Variants in ALCAM observed in about 807,000 individuals in gnomAD.
The protein encoded by ALCAM is CD166 antigen.
A neutral mutation model predicts 70.9 loss-of-function variants in ALCAM; 30 were observed. That is an observed-to-expected ratio of 0.42 (90% CI 0.32 to 0.57). The LOEUF (loss-of-function observed/expected upper bound fraction) is 0.57. Among genes scored for constraint, ALCAM ranks in the 20% least tolerant of loss-of-function variants. The pLI is 0.11. For missense variants in ALCAM, 591 were observed against 695.1 expected, an observed-to-expected ratio of 0.85 and a Z score of 1.68; for synonymous variants, 249 against 242.5, an observed-to-expected ratio of 1.03 and a Z score of -0.25.
intron 1 of ALCAM, among the ~76,000 whole-genome samples, chr3:105,387,898 C>T (rs1935697583): frequency 6.6e-6 from 1 of 151,556 alleles, no homozygotes; most frequent in Non-Finnish European, 1.5e-5. Flanking sequence ...CTTTATTCTA[C>T]TGCCAAATAA....
At chr3:105,535,310 A>G (rs74475847) in intron 6 of ALCAM, among the ~76,000 whole-genome samples, 1 of 152,308 alleles carries the variant, frequency 6.6e-6, no homozygotes, top group African/African-American at 2.4e-5. Flanking sequence ...TCTACAAAGG[A>G]ATCTTCATGG....
At chr3:105,567,108 G>A (rs1051338819) in intron 14 of ALCAM, among the ~76,000 whole-genome samples, 6 of 152,020 alleles carry the variant, frequency 3.9e-5, no homozygotes, top group African/African-American at 1.4e-4. Flanking sequence ...TTTCTGATGA[G>A]ACATCACCTG....
At chr3:105,425,315 G>A (rs561685663) in intron 1 of ALCAM, among the ~76,000 whole-genome samples, 6 of 151,830 alleles carry the variant, frequency 4.0e-5, no homozygotes, top group South Asian at 4.1e-4. Context: ...GTGCGCCTGT[G>A]TGTATGTTAT....
At chr3:105,466,402 T>A (rs148957319) in intron 1 of ALCAM, among the ~76,000 whole-genome samples, 74 of 151,620 alleles carry the variant, frequency 4.9e-4, no homozygotes, top group African/African-American at 1.7e-3. Context: ...GATCTTCACA[T>A]TTTTATTTAA....
At chr3:105,462,198 C>T (rs530081567) in intron 1 of ALCAM, among the ~76,000 whole-genome samples, 8 of 151,560 alleles carry the variant, frequency 5.3e-5, no homozygotes, top group African/African-American at 1.5e-4. Context: ...ACATTTCATT[C>T]AACAGCCATT....
At chr3:105,423,911 C>T (rs1414222747) in intron 1 of ALCAM, among the ~76,000 whole-genome samples, 1 of 151,556 alleles carries the variant, frequency 6.6e-6, no homozygotes, top group Admixed American at 6.6e-5. Context: ...AAATAAGCTA[C>T]CCTTATTTGA....
chr3:105,542,797 A>T (rs977846497), intron 8 of ALCAM, among the ~76,000 whole-genome samples: 2 of 151,704 alleles, frequency 1.3e-5, no homozygotes, highest in African/African-American at 4.8e-5. Flanking sequence ...TGATTGTCTG[A>T]TGTTGGGAGT....
At chr3:105,479,173 G>A (rs1280996577) in intron 1 of ALCAM, among the ~76,000 whole-genome samples, 2 of 152,044 alleles carry the variant, frequency 1.3e-5, no homozygotes, top group African/African-American at 2.4e-5. Flanking sequence ...TTTTCATTAT[G>A]TTTGGTAAAA....
chr3:105,553,068 A>ATAAG (rs1940446367), intron 14 of ALCAM: 1 of 992,086 alleles, frequency 1.0e-6, no homozygotes, highest in African/African-American at 1.7e-5. Flanking sequence ...TTTGATCCAT[A>ATAAG]TAAGAGTCTA....
chr3:105,426,965 G>A (rs1474589846), intron 1 of ALCAM, among the ~76,000 whole-genome samples: 1 of 151,744 alleles, frequency 6.6e-6, no homozygotes, highest in Non-Finnish European at 1.5e-5. Context: ...TGATCCTTCT[G>A]GGGAGACATG....
intron 1 of ALCAM, among the ~76,000 whole-genome samples, chr3:105,449,595 C>T (rs1937377838): frequency 6.6e-6 from 1 of 152,118 alleles, no homozygotes; most frequent in Admixed American, 6.5e-5. Flanking sequence ...CTGAGAGCTG[C>T]TTAATTAATC....
intron 1 of ALCAM, among the ~76,000 whole-genome samples, chr3:105,506,346 A>G (rs2152618125): frequency 6.6e-6 from 1 of 152,334 alleles, no homozygotes; most frequent in South Asian, 2.1e-4. Context: ...TGTAGGACTC[A>G]GGTGGGAATG....
At chr3:105,573,947 A>C (rs1940910237) in intron 15 of ALCAM, among the ~76,000 whole-genome samples, 2 of 152,166 alleles carry the variant, frequency 1.3e-5, no homozygotes, top group African/African-American at 4.8e-5. Context: ...AGGATTTTAA[A>C]CTGATGGGGT....
rs527904630 is a variant in ALCAM at position 105,489,727 on chromosome 3, GTACCAGTGTAAA to G, written c.74-30336_74-30325del. On this transcript the variant is annotated intron_variant, in intron 1 of 15. Transcript: ENST00000306107. ...ATCCAGGGAAAAATACATAGCAGAGGTACCAGTGTAAATACACATTTTTATGCTGCCTTTAGG... is the reference window on the plus strand; with the variant it reads ...ATCCAGGGAAAAATACATAGCAGAGGTACACATTTTTATGCTGCCTTTAGG... 1.9e-3 allele frequency among the ~76,000 whole-genome samples: 288 copies of G among 152,190 alleles called. 1 individual carries two copies. The highest frequency in any genetic ancestry group is 0.01 in the Middle Eastern group (3 of 294).
intron 14 of ALCAM, among the ~76,000 whole-genome samples, chr3:105,567,308 TC>T (rs1279677958): frequency 6.6e-6 from 1 of 152,204 alleles, no homozygotes; most frequent in Non-Finnish European, 1.5e-5. Context: ...GGAAATTTTC[TC>T]ATTGTTTCTT....
intron 1 of ALCAM, among the ~76,000 whole-genome samples, chr3:105,394,065 A>T (rs1187395336): frequency 6.6e-6 from 1 of 151,940 alleles, no homozygotes; most frequent in Non-Finnish European, 1.5e-5. Context: ...TCACATCAGT[A>T]TTCAAGTACT....
intron 1 of ALCAM, among the ~76,000 whole-genome samples, chr3:105,371,827 GAT>G (rs1935241024): frequency 1.3e-5 from 2 of 152,108 alleles, no homozygotes; most frequent in African/African-American, 4.8e-5. Context: ...GTATAGCTAT[GAT>G]AGAAGAATAT....
chr3:105,576,190 T>C lies in ALCAM; in HGVS notation c.*1739T>C, dbSNP rs1376733243. 6.6e-6 allele frequency: 1 copy of C among 152,534 alleles called. No individual in the cohort carries two copies. Among genetic ancestry groups the C allele is most frequent in the Non-Finnish European group, 1.5e-5 (1 of 67,984 alleles). 9.4% of individuals were successfully genotyped at this position (152,534 alleles called of 1,614,324 possible). ...AAGTTTTATTTGGCAGGAAAAAAAA[T>C]TGAATCTTGGTCAACATTTAAACCA... On this transcript the variant is annotated 3_prime_UTR_variant, in exon 16 of 16. Transcript: ENST00000306107.
intron 14 of ALCAM, among the ~76,000 whole-genome samples, chr3:105,561,939 T>G (rs1940638489): frequency 6.6e-6 from 1 of 152,190 alleles, no homozygotes; most frequent in South Asian, 2.1e-4. Context: ...ACCCAAACTT[T>G]AGTGTCTACA....
Sources: gnomAD v4.1 joint callset for allele counts (sites outside exome capture counted in the v4.1 genomes callset) on GRCh38, gnomAD v4.1.1 for gene constraint, MANE v1.5 for transcripts, NCBI Gene and HGNC (gene_info 2026-07-23, HGNC 2026-07-21) for gene names.